FBN1: variants seen among roughly 807,000 people sequenced by gnomAD.
FBN1 encodes fibrillin 1, also known as fibrillin-1.
A neutral mutation model predicts 365.1 loss-of-function variants in FBN1; 29 were observed. That is an observed-to-expected ratio of 0.08 (90% CI 0.06 to 0.11). The LOEUF (loss-of-function observed/expected upper bound fraction) is 0.11, where lower values mean the gene tolerates loss of function less well. Ranked by LOEUF, FBN1 falls within the 10% of genes least tolerant of loss-of-function variation. The probability of loss-of-function intolerance (pLI) is 1.00; values close to 1 mark genes in which losing one functional copy is unlikely to be tolerated. For synonymous variants in FBN1, 1,210 were observed against 1,270.5 expected (o/e 0.95, Z 1.01); for missense variants, 2,476 against 3,703.2 (o/e 0.67, Z 8.60).
In FBN1 at chr15:48,437,353, C is replaced by T; in HGVS notation, c.6348G>A (p.Gly2116=). The stretch of plus-strand genomic sequence containing the variant: ...CTGAATCATCAGGTCCCACGATGAT[C>T]CCACTTCCATAAGGACATATCTGGC... ...AFRQICPYGS[G]IIVGPDDSAV... The change falls in exon 52 of 66, where the codon GGG becomes GGA. Residue 2116 remains glycine, a synonymous_variant. Transcript: ENST00000316623. The T allele has an allele frequency of 3.1e-6, 5 of 1,613,548 alleles. No homozygotes were observed. The highest frequency in any genetic ancestry group is 3.4e-6 in the Non-Finnish European group (4 of 1,179,654).
intron 45 of FBN1, among the ~76,000 whole-genome samples, chr15:48,452,309 C>A (rs186245060): frequency 1.3e-5 from 2 of 152,062 alleles, no homozygotes; most frequent in Non-Finnish European, 2.9e-5. Context: ...CAGGCAAATA[C>A]GAAATCTATG....
chr15:48,416,867 T>G (rs903506501), intron 63 of FBN1, among the ~76,000 whole-genome samples: 1 of 152,236 alleles, frequency 6.6e-6, no homozygotes, highest in African/African-American at 2.4e-5. Context: ...CCACTTCCTA[T>G]GGAAGAGAGG....
intron 45 of FBN1, among the ~76,000 whole-genome samples, chr15:48,451,492 T>A (rs2043201071): frequency 6.6e-6 from 1 of 152,132 alleles, no homozygotes; most frequent in African/African-American, 2.4e-5. Context: ...GTTTGGCAAT[T>A]ACACCCTCTT....
chr15:48,584,654 G>A (rs1219293744), intron 6 of FBN1, among the ~76,000 whole-genome samples: 1 of 152,168 alleles, frequency 6.6e-6, no homozygotes, highest in African/African-American at 2.4e-5. Context: ...GCTTGGCAAT[G>A]TGGAGAACAC....
At chr15:48,443,273 A>G (rs1273133421) in intron 49 of FBN1, among the ~76,000 whole-genome samples, 1 of 152,214 alleles carries the variant, frequency 6.6e-6, no homozygotes, top group Non-Finnish European at 1.5e-5. Flanking sequence ...TATAAAAGTT[A>G]ACTTTTGTGA....
intron 15 of FBN1, 61 bp from the exon 16 acceptor site, chr15:48,505,208 T>C: frequency 6.2e-7 from 1 of 1,600,282 alleles, no homozygotes; most frequent in Non-Finnish European, 8.6e-7. Context: ...TTATAACATG[T>C]TGACAATTAT....
At chr15:48,453,511 A>G (rs1340280592) in intron 44 of FBN1, among the ~76,000 whole-genome samples, 1 of 152,166 alleles carries the variant, frequency 6.6e-6, no homozygotes, top group East Asian at 1.9e-4. Flanking sequence ...GGGGATACAC[A>G]GGCAAAGCAC....
At chr15:48,459,123 G>A (rs76612328) in intron 43 of FBN1, among the ~76,000 whole-genome samples, 2,314 of 152,298 alleles carry the variant, frequency 0.015, 21 homozygotes, top group Non-Finnish European at 0.023. Context: ...AGTGGACAAC[G>A]CTAATGTTCT....
At chr15:48,537,528 C>T in intron 7 of FBN1, 83 bp downstream of exon 7, 2 of 1,551,642 alleles carry the variant, frequency 1.3e-6, no homozygotes, top group Non-Finnish European at 1.8e-6. Flanking sequence ...CACTACTTTT[C>T]CATTCTCTTC....
intron 44 of FBN1, among the ~76,000 whole-genome samples, chr15:48,454,045 G>T (rs1254418170): frequency 1.3e-5 from 2 of 152,210 alleles, no homozygotes; most frequent in South Asian, 2.1e-4. Context: ...TTTACTCAAA[G>T]ATCTGGATTT....
intron 43 of FBN1, among the ~76,000 whole-genome samples, chr15:48,458,761 T>C (rs2043260421): frequency 6.6e-6 from 1 of 152,214 alleles, no homozygotes; most frequent in South Asian, 2.1e-4. Context: ...ACAAGATTGA[T>C]AAACATGCTA....
chr15:48,626,048 A>T (rs1407720436), intron 2 of FBN1, among the ~76,000 whole-genome samples: 5 of 151,830 alleles, frequency 3.3e-5, no homozygotes, highest in East Asian at 1.9e-4. Context: ...AGAAACTTTT[A>T]AAAAAAGATC....
intron 20 of FBN1, 137 bp downstream of exon 20, chr15:48,495,963 C>T (rs1342570863): frequency 4.6e-6 from 5 of 1,080,882 alleles, no homozygotes; most frequent in Admixed American, 3.7e-5. Context: ...ATACTAGTGC[C>T]ATGTAGAACC....
chr15:48,563,759 G>A (rs2044240969), intron 6 of FBN1, among the ~76,000 whole-genome samples: 1 of 152,160 alleles, frequency 6.6e-6, no homozygotes, highest in African/African-American at 2.4e-5. Flanking sequence ...CCACGTGTGT[G>A]CACATCCTAC....
chr15:48,572,933 C>G (rs1566929748), intron 6 of FBN1, among the ~76,000 whole-genome samples: 1 of 152,010 alleles, frequency 6.6e-6, no homozygotes, highest in African/African-American at 2.4e-5. Flanking sequence ...GCGAAGGGCT[C>G]CAAACAGAGA....
chr15:48,507,030 A>G (rs16961050), intron 15 of FBN1, among the ~76,000 whole-genome samples: 1,883 of 152,284 alleles, frequency 0.012, 39 homozygotes, highest in African/African-American at 0.043. Flanking sequence ...TTGATAGGAT[A>G]CTATTTCACT....
intron 17 of FBN1, among the ~76,000 whole-genome samples, chr15:48,501,632 C>T (rs1438407958): frequency 6.6e-6 from 1 of 152,150 alleles, no homozygotes. Context: ...TTTGGAAGTG[C>T]ACTTGGTCCA....
chr15:48,635,361 T>G (rs1284583961), intron 2 of FBN1, among the ~76,000 whole-genome samples: 2 of 152,214 alleles, frequency 1.3e-5, no homozygotes, highest in Non-Finnish European at 2.9e-5. Flanking sequence ...TAGGATTTGA[T>G]ATAGTATAAG....
chr15:48,496,832 A>T (rs2043612305), intron 19 of FBN1, among the ~76,000 whole-genome samples: 1 of 152,172 alleles, frequency 6.6e-6, no homozygotes, highest in Non-Finnish European at 1.5e-5. Context: ...AGCAAAACCC[A>T]ACTTTAAGAG....
Sources: gnomAD v4.1 joint callset for allele counts (sites outside exome capture counted in the v4.1 genomes callset) on GRCh38, gnomAD v4.1.1 for gene constraint, MANE v1.5 for transcripts, NCBI Gene and HGNC (gene_info 2026-07-23, HGNC 2026-07-21) for gene names.